Variants in SEMA3C observed in about 807,000 individuals in gnomAD.
The protein encoded by SEMA3C is semaphorin-3C.
Under a neutral mutation model 89.4 loss-of-function variants are expected in SEMA3C, and 47 were observed. The observed-to-expected ratio is 0.53, with a 90% confidence interval of 0.42 to 0.67. The LOEUF (loss-of-function observed/expected upper bound fraction) is 0.67, where lower values mean the gene tolerates loss of function less well. Ranked by LOEUF, SEMA3C falls within the 30% of genes least tolerant of loss-of-function variation. SEMA3C has a pLI of 0.00. For synonymous variants in SEMA3C, 310 were observed against 320.2 expected (o/e 0.97, Z 0.34); for missense variants, 839 against 929.1 (o/e 0.90, Z 1.26).
chr7:80,777,928 T>G (rs1268092834), intron 12 of SEMA3C, among the ~76,000 whole-genome samples: 1 of 152,220 alleles, frequency 6.6e-6, no homozygotes, highest in Non-Finnish European at 1.5e-5. Flanking sequence ...ATGTTCCCTT[T>G]TAAGATGTGA....
At chr7:80,746,761 C>G (rs780120263) in intron 17 of SEMA3C, among the ~76,000 whole-genome samples, 9 of 53,102 alleles carry the variant, frequency 1.7e-4, no homozygotes, top group Admixed American at 6.2e-4. Context: ...GGGAGGAAAA[C>G]TATAGAACAT....
intron 5 of SEMA3C, among the ~76,000 whole-genome samples, chr7:80,814,548 T>C (rs755734374): frequency 6.6e-6 from 1 of 152,098 alleles, no homozygotes; most frequent in Non-Finnish European, 1.5e-5. Flanking sequence ...CAGTTACTCT[T>C]ATAAAACAAT....
At chr7:80,748,651 C>T (rs940402377) in intron 17 of SEMA3C, among the ~76,000 whole-genome samples, 13 of 152,068 alleles carry the variant, frequency 8.5e-5, no homozygotes, top group Non-Finnish European at 1.3e-4. Flanking sequence ...TCAATACTAC[C>T]GTCTTAGCAC....
At chr7:80,838,175 G>C (rs528414780) in intron 2 of SEMA3C, among the ~76,000 whole-genome samples, 1 of 152,100 alleles carries the variant, frequency 6.6e-6, no homozygotes, top group East Asian at 1.9e-4. Flanking sequence ...AAGGCAAAAG[G>C]CTTGGCTTTG....
Position 80,918,894 on chromosome 7 carries a change from T to C in SEMA3C, c.-105A>G. 1 of 985,460 alleles carries C rather than the reference T, an allele frequency of 1.0e-6. No homozygotes were observed. Among genetic ancestry groups the C allele is most frequent in the Non-Finnish European group, 1.2e-6 (1 of 829,946 alleles). 61.0% of individuals were successfully genotyped at this position (985,460 alleles called of 1,614,324 possible). A position where few individuals can be genotyped will look rare whatever the true frequency, so the allele number is the denominator to read the frequency against. ...TACCGGGGTTGGATGCGCTTGTGTC[T>C]CCAGTCCTTTTCCCAGACGACCTTA... is the stretch of plus-strand genomic sequence containing the variant. On this transcript the variant is annotated 5_prime_UTR_variant, in exon 1 of 18. Coordinates refer to ENST00000265361, the MANE Select transcript of SEMA3C (RefSeq NM_006379.5).
intron 2 of SEMA3C, among the ~76,000 whole-genome samples, chr7:80,888,169 T>C (rs1047047963): frequency 2.0e-5 from 3 of 152,100 alleles, no homozygotes; most frequent in African/African-American, 4.8e-5. Flanking sequence ...TCCCAGCACT[T>C]TGAGAGGCTG....
chr7:80,778,810 C>T (rs192395285), intron 12 of SEMA3C, among the ~76,000 whole-genome samples: 3 of 152,270 alleles, frequency 2.0e-5, no homozygotes, highest in East Asian at 1.9e-4. Context: ...TCTTGACCAC[C>T]GCATCTTCCT....
In SEMA3C at chr7:80,910,988, C is replaced by T. The variant is rs191574974; in HGVS notation, c.103+5691G>A. On this transcript the variant is annotated intron_variant, in intron 2 of 17. Transcript: ENST00000265361. ...TGTTATCCATCTAAGCACTGACTTG[C>T]TCGCATAGGCACAAAGGGAGATCTC... Among the ~76,000 whole-genome samples, 63 of 152,068 alleles carry T rather than the reference C, an allele frequency of 4.1e-4. No homozygotes were observed. The East Asian group carries it at 0.011, about 26-fold the overall frequency.
intron 2 of SEMA3C, among the ~76,000 whole-genome samples, chr7:80,862,574 A>G (rs1300189158): frequency 1.3e-5 from 2 of 152,208 alleles, no homozygotes; most frequent in African/African-American, 4.8e-5. Context: ...CATTCTTCAC[A>G]TAATTAGAAA....
At position 80,777,191 on chromosome 7, in the gene SEMA3C, G is replaced by T. The variant is rs1350483071; in HGVS notation, c.1355-11948C>A. Among the ~76,000 whole-genome samples the T allele has an allele frequency of 4.6e-5, 7 of 152,254 alleles. 1 individual carries two copies. The East Asian group carries it at 1.4e-3, about 29-fold the overall frequency. On this transcript the variant is annotated intron_variant, in intron 12 of 17. Coordinates refer to ENST00000265361, the MANE Select transcript of SEMA3C (RefSeq NM_006379.5). Reference sequence around the variant, plus strand: ...ATAATTTCCTCAATGTAATATAACTGATAAGTGATAGAGGGCAGGATTTAA... The same window carrying T: ...ATAATTTCCTCAATGTAATATAACTTATAAGTGATAGAGGGCAGGATTTAA...
At chr7:80,885,520 G>C (rs1402315812) in intron 2 of SEMA3C, among the ~76,000 whole-genome samples, 1 of 152,140 alleles carries the variant, frequency 6.6e-6, no homozygotes, top group Non-Finnish European at 1.5e-5. Flanking sequence ...GGGAGGCTGA[G>C]GTGTGAGGAT....
intron 12 of SEMA3C, among the ~76,000 whole-genome samples, chr7:80,769,257 TAC>T (rs1413380704): frequency 6.6e-6 from 1 of 152,180 alleles, no homozygotes; most frequent in Non-Finnish European, 1.5e-5. Flanking sequence ...TACAATAAAT[TAC>T]TCTTAACTAC....
At chr7:80,859,762 G>A (rs1380478064) in intron 2 of SEMA3C, among the ~76,000 whole-genome samples, 1 of 152,062 alleles carries the variant, frequency 6.6e-6, no homozygotes, top group Admixed American at 6.6e-5. Flanking sequence ...CCTCTCTGAG[G>A]CAAGCCACGA....
chr7:80,852,832 C>T (rs906210173), intron 2 of SEMA3C, among the ~76,000 whole-genome samples: 1 of 151,996 alleles, frequency 6.6e-6, no homozygotes, highest in Non-Finnish European at 1.5e-5. Context: ...GTGCCCACCA[C>T]CACGCCTGGC....
At chr7:80,787,150 T>C (rs1788822362) in intron 12 of SEMA3C, among the ~76,000 whole-genome samples, 1 of 152,026 alleles carries the variant, frequency 6.6e-6, no homozygotes, top group Non-Finnish European at 1.5e-5. Context: ...TCCCAGCACT[T>C]TGGGAGGCCA....
chr7:80,831,440 T>C (rs1275852747), intron 2 of SEMA3C, among the ~76,000 whole-genome samples: 3 of 152,190 alleles, frequency 2.0e-5, no homozygotes, highest in Non-Finnish European at 2.9e-5. Flanking sequence ...CCTATTATTA[T>C]AACTTGGGGC....
chr7:80,871,196 A>T (rs886705666), intron 2 of SEMA3C, among the ~76,000 whole-genome samples: 1 of 152,246 alleles, frequency 6.6e-6, no homozygotes, highest in Non-Finnish European at 1.5e-5. Context: ...CCAATAAAAA[A>T]GTCAAGAGGG....
chr7:80,802,660 T>C lies in SEMA3C; in HGVS notation c.916+5A>G, dbSNP rs1044028740. The C allele has an allele frequency of 9.4e-6, 15 of 1,596,344 alleles. No homozygotes were observed. Among genetic ancestry groups the C allele is most frequent in the Non-Finnish European group, 1.2e-5 (14 of 1,164,064 alleles). On this transcript the variant is annotated splice_donor_5th_base_variant and intron_variant, in intron 9 of 17. Transcript: ENST00000265361. ...GAAGCATTTTTCAATCTCATATGTA[T>C]GTACCTAATTCATCAAAGTGTGTTT...
intron 2 of SEMA3C, among the ~76,000 whole-genome samples, chr7:80,861,340 TATATA>T (rs1790766478): frequency 6.6e-6 from 1 of 152,160 alleles, no homozygotes. Context: ...TTATTTATAA[TATATA>T]ATATGTTTCA....
Sources: gnomAD v4.1 joint callset for allele counts (sites outside exome capture counted in the v4.1 genomes callset) on GRCh38, gnomAD v4.1.1 for gene constraint, MANE v1.5 for transcripts, NCBI Gene and HGNC (gene_info 2026-07-23, HGNC 2026-07-21) for gene names.